EYS: variants seen among roughly 807,000 people sequenced by gnomAD.
The protein encoded by EYS is protein eyes shut homolog.
A neutral mutation model predicts 282.1 loss-of-function variants in EYS; 250 were observed. The observed-to-expected ratio is 0.89, with a 90% CI of 0.80 to 0.98. The LOEUF (loss-of-function observed/expected upper bound fraction) is 0.98, where lower values mean the gene tolerates loss of function less well. Ranked by LOEUF, EYS falls within the 50% of genes least tolerant of loss-of-function variation. The pLI is 0.00. For missense variants in EYS, 4,016 were observed against 3,709.0 expected, an observed-to-expected ratio of 1.08 and a Z score of -2.15; for synonymous variants, 1,355 against 1,282.9, an observed-to-expected ratio of 1.06 and a Z score of -1.20.
chr6:64,385,765 T>C (rs1742156325), intron 29 of EYS, among the ~76,000 whole-genome samples: 1 of 151,150 alleles, frequency 6.6e-6, no homozygotes, highest in East Asian at 1.9e-4. Flanking sequence ...AGTTCATTTA[T>C]TCTTCCTCAG....
intron 30 of EYS, among the ~76,000 whole-genome samples, chr6:64,265,521 G>A (rs993353783): frequency 5.3e-5 from 8 of 152,172 alleles, no homozygotes; most frequent in African/African-American, 1.9e-4. Flanking sequence ...GTCTAGAGAA[G>A]AATTGCTAGA....
intron 22 of EYS, among the ~76,000 whole-genome samples, chr6:64,746,835 A>T (rs1772572596): frequency 6.6e-6 from 1 of 152,264 alleles, no homozygotes; most frequent in Admixed American, 6.5e-5. Flanking sequence ...CCTTTGGCAT[A>T]GTCATAAATA....
intron 2 of EYS, among the ~76,000 whole-genome samples, chr6:65,582,635 A>G (rs2127361532): frequency 6.6e-6 from 1 of 152,054 alleles, no homozygotes; most frequent in Non-Finnish European, 1.5e-5. Flanking sequence ...CTTTCAACAA[A>G]CCCATACACT....
intron 2 of EYS, among the ~76,000 whole-genome samples, chr6:65,638,247 C>T (rs1393791858): frequency 6.6e-6 from 1 of 152,132 alleles, no homozygotes; most frequent in Non-Finnish European, 1.5e-5. Context: ...CACTAGGGGT[C>T]TCCTCTGAGC....
chr6:64,419,872 C>T (rs1166888843), intron 28 of EYS, among the ~76,000 whole-genome samples: 6 of 152,178 alleles, frequency 3.9e-5, no homozygotes, highest in Non-Finnish European at 8.8e-5. Context: ...GTGGGTCTAC[C>T]ATTCTGGGGT....
chr6:64,202,694 C>A (rs1224283903), intron 31 of EYS, among the ~76,000 whole-genome samples: 2 of 152,046 alleles, frequency 1.3e-5, no homozygotes, highest in African/African-American at 4.8e-5. Flanking sequence ...TAACATAGAA[C>A]CTTGAGACGA....
intron 29 of EYS, among the ~76,000 whole-genome samples, chr6:64,324,985 A>G (rs1770357158): frequency 6.6e-6 from 1 of 152,234 alleles, no homozygotes; most frequent in Middle Eastern, 3.2e-3. Context: ...GAATGGAAAA[A>G]TGTTCCATGC....
chr6:65,457,692 C>G (rs942775201), intron 5 of EYS, among the ~76,000 whole-genome samples: 1 of 152,108 alleles, frequency 6.6e-6, no homozygotes, highest in East Asian at 1.9e-4. Flanking sequence ...TCAAGTTTAC[C>G]CTAATATGCT....
chr6:64,715,897 G>A (rs1771375456), intron 22 of EYS, among the ~76,000 whole-genome samples: 1 of 152,212 alleles, frequency 6.6e-6, no homozygotes, highest in African/African-American at 2.4e-5. Flanking sequence ...GTGCCACTGA[G>A]TTGTGCTTCC....
intron 35 of EYS, among the ~76,000 whole-genome samples, chr6:63,956,595 T>TTCTATA: frequency 6.6e-6 from 1 of 152,340 alleles, no homozygotes; most frequent in East Asian, 1.9e-4. Flanking sequence ...TATATGTATT[T>TTCTATA]TATTTTTAAT....
intron 8 of EYS, among the ~76,000 whole-genome samples, 195 bp downstream of exon 8, chr6:65,384,191 T>C (rs1765717900): frequency 1.3e-5 from 2 of 151,838 alleles, no homozygotes; most frequent in Admixed American, 6.6e-5. Flanking sequence ...TCCTAGAACA[T>C]TTATTAATTC....
chr6:63,980,905 C>T, intron 35 of EYS, among the ~76,000 whole-genome samples: 1 of 151,864 alleles, frequency 6.6e-6, no homozygotes, highest in East Asian at 1.9e-4. Context: ...CGGCTAACAA[C>T]ATAGATAGGA....
chr6:64,597,783 T>C lies in EYS; in HGVS notation c.3685-4474A>G, dbSNP rs116243253. Among the ~76,000 whole-genome samples the C allele has an allele frequency of 5.8e-3, 890 of 152,248 alleles. 11 individuals are homozygous for C. The highest frequency in any genetic ancestry group is 0.021 in the African/African-American group (853 of 41,534). On this transcript the variant is annotated intron_variant, in intron 24 of 42. Coordinates refer to ENST00000503581, the MANE Select transcript of EYS (RefSeq NM_001142800.2). ...CAATGTCTGTTATTGGAGTGATGGA[T>C]ATACTAAAATCCCAGATTTCATCAT...
At chr6:65,633,129 T>C (rs916499931) in intron 2 of EYS, among the ~76,000 whole-genome samples, 7 of 152,156 alleles carry the variant, frequency 4.6e-5, no homozygotes, top group Non-Finnish European at 1.5e-5. Context: ...ATTGTTAGGG[T>C]TGTGTTTTCT....
intron 8 of EYS, among the ~76,000 whole-genome samples, chr6:65,362,287 C>A (rs372718548): frequency 6.6e-6 from 1 of 152,040 alleles, no homozygotes; most frequent in Non-Finnish European, 1.5e-5. Flanking sequence ...TGTCCCAGTT[C>A]TCTTAGATAT....
At chr6:64,311,687 T>C (rs1042640034) in intron 29 of EYS, among the ~76,000 whole-genome samples, 29 of 152,164 alleles carry the variant, frequency 1.9e-4, no homozygotes, top group African/African-American at 6.5e-4. Flanking sequence ...GTTCATCTCA[T>C]TGGGACTGGT....
intron 12 of EYS, among the ~76,000 whole-genome samples, chr6:65,256,098 C>A (rs1259432734): frequency 6.6e-6 from 1 of 151,918 alleles, no homozygotes; most frequent in East Asian, 1.9e-4. Context: ...AAGCAACCTG[C>A]ATGTCCATCA....
intron 31 of EYS, among the ~76,000 whole-genome samples, chr6:64,211,837 C>G (rs1765784316): frequency 6.6e-6 from 1 of 151,416 alleles, no homozygotes; most frequent in African/African-American, 2.4e-5. Context: ...ATAGTTTGGC[C>G]AGGTACGGTG....
intron 30 of EYS, among the ~76,000 whole-genome samples, chr6:64,276,465 T>C (rs1167221205): frequency 7.2e-5 from 11 of 152,194 alleles, no homozygotes; most frequent in Admixed American, 7.2e-4. Flanking sequence ...CATGTAATAA[T>C]TCTAATTATC....
Sources: allele counts gnomAD v4.1 joint callset (sites outside exome capture counted in the v4.1 genomes callset), GRCh38; gene constraint gnomAD v4.1.1; transcripts MANE v1.5; gene names NCBI Gene and HGNC (gene_info 2026-07-23, HGNC 2026-07-21).